Variants in ABCC4 observed in about 807,000 individuals in gnomAD.
ABCC4 encodes ATP binding cassette subfamily C member 4 (PEL blood group).
A neutral mutation model predicts 168.5 loss-of-function variants in ABCC4; 102 were observed. The ratio of observed to expected loss-of-function variants is 0.61; its 90% CI spans 0.52 to 0.71. The LOEUF is 0.71. Among genes scored for constraint, ABCC4 ranks in the 30% least tolerant of loss-of-function variants. The probability of loss-of-function intolerance (pLI) is 0.00; values close to 1 mark genes in which losing one functional copy is unlikely to be tolerated. For synonymous variants in ABCC4, 617 were observed against 590.7 expected, an observed-to-expected ratio of 1.04 and a Z score of -0.65; for missense variants, 1,402 against 1,605.8, an observed-to-expected ratio of 0.87 and a Z score of 2.17.
chr13:95,091,298 A>C (rs900678241), intron 20 of ABCC4, among the ~76,000 whole-genome samples: 2 of 152,182 alleles, frequency 1.3e-5, no homozygotes, highest in African/African-American at 4.8e-5. Flanking sequence ...CACAAAGAAC[A>C]CCTGGGAAAT....
intron 1 of ABCC4, among the ~76,000 whole-genome samples, chr13:95,270,960 T>C (rs1158509053): frequency 6.6e-6 from 1 of 152,120 alleles, no homozygotes; most frequent in African/African-American, 2.4e-5. Flanking sequence ...CCTGGCATGG[T>C]GGCAGCCGCC....
At chr13:95,265,430 GA>G (rs11435237) in intron 1 of ABCC4, among the ~76,000 whole-genome samples, 25,444 of 146,694 alleles carry the variant, frequency 0.17, 2,616 homozygotes, top group East Asian at 0.49. Flanking sequence ...GACACAATAA[GA>G]AAAAAAAAAA....
At chr13:95,164,961 C>T (rs747253552) in intron 15 of ABCC4, among the ~76,000 whole-genome samples, 11 of 152,222 alleles carry the variant, frequency 7.2e-5, no homozygotes, top group South Asian at 4.2e-4. Flanking sequence ...ACTTCCAAAG[C>T]GCTGGGATTG....
intron 1 of ABCC4, among the ~76,000 whole-genome samples, chr13:95,256,543 C>T (rs1420722835): frequency 6.6e-6 from 1 of 152,130 alleles, no homozygotes; most frequent in Non-Finnish European, 1.5e-5. Context: ...ATTGCTTGAG[C>T]CCAGTAGTTT....
intron 4 of ABCC4, among the ~76,000 whole-genome samples, chr13:95,218,896 A>AGAGAGAGAAAGAGAGAT (rs146033279): frequency 0.15 from 6,780 of 44,262 alleles, 835 homozygotes; most frequent in African/African-American, 0.36. Flanking sequence ...GACAGATGAG[A>AGAGAGAGAAAGAGAGAT]GAGAGAGAAA....
Position 95,221,201 on chromosome 13 carries a change from C to A in ABCC4, c.532-10420G>T, listed in dbSNP as rs139908913. Among the ~76,000 whole-genome samples, 7 of 152,276 alleles carry A rather than the reference C, an allele frequency of 4.6e-5. No homozygotes were observed. In the East Asian group the frequency reaches 1.3e-3, roughly 29 times the overall value. ...ACCAGAGGATGACAGGCAAGAGCCACCATGCCTTGCAAAAATTACAAATTT... is the reference window on the plus strand; with the variant it reads ...ACCAGAGGATGACAGGCAAGAGCCAACATGCCTTGCAAAAATTACAAATTT... On this transcript the variant is annotated intron_variant, in intron 4 of 30. Transcript: ENST00000645237.
rs538744217 is a variant in ABCC4 at position 95,021,597 on chromosome 13, G to A, written c.3956C>T (p.Thr1319Ile). 2 of 1,611,760 alleles carry A rather than the reference G, an allele frequency of 1.2e-6. No homozygotes were observed. The highest frequency in any genetic ancestry group is 4.5e-5 in the East Asian group (2 of 44,864). ...NTSNGQPSTL[T>I]IFETAL ...GATTCACAGTGCTGTCTCGAAAATAGTTAAGGTCGAGGGCTGTCCATTGGA... is the reference window on the plus strand; with the variant it reads ...GATTCACAGTGCTGTCTCGAAAATAATTAAGGTCGAGGGCTGTCCATTGGA... Residue 1319 changes from threonine (T) to isoleucine (I), a missense_variant, in exon 31 of 31, where the codon ACT (threonine) becomes ATT (isoleucine). Coordinates refer to ENST00000645237, the MANE Select transcript of ABCC4 (RefSeq NM_005845.5).
intron 11 of ABCC4, among the ~76,000 whole-genome samples, chr13:95,183,211 T>C (rs986741766): frequency 6.6e-6 from 1 of 152,150 alleles, no homozygotes; most frequent in African/African-American, 2.4e-5. Flanking sequence ...CCTGGCATGT[T>C]TGCATTTTAC....
At chr13:95,260,605 A>G (rs571066418) in intron 1 of ABCC4, among the ~76,000 whole-genome samples, 21 of 152,300 alleles carry the variant, frequency 1.4e-4, no homozygotes, top group African/African-American at 5.1e-4. Flanking sequence ...CAAAGGAGGA[A>G]GAAGGGACAA....
intron 1 of ABCC4, among the ~76,000 whole-genome samples, chr13:95,263,999 G>T (rs1304364148): frequency 1.3e-5 from 2 of 152,154 alleles, no homozygotes; most frequent in African/African-American, 4.8e-5. Flanking sequence ...TGCCACAAAA[G>T]TAATGAAATG....
chr13:95,104,042 T>C lies in ABCC4; in HGVS notation c.2535+11880A>G, dbSNP rs555870450. Among the ~76,000 whole-genome samples, 45 of 152,308 alleles carry C rather than the reference T, an allele frequency of 3.0e-4. No homozygotes were observed. In the South Asian group the frequency reaches 5.0e-3, roughly 17 times the overall value. ...CCTTTGCTGCTGTGATGTGAACTTG[T>C]ATTTGGCCAGCATGGAAATAAGGGA... On this transcript the variant is annotated intron_variant, in intron 20 of 30. Transcript: ENST00000645237.
intron 25 of ABCC4, among the ~76,000 whole-genome samples, chr13:95,064,260 G>GTGTATATATATA (rs1269029410): frequency 3.3e-4 from 7 of 21,496 alleles, no homozygotes; most frequent in South Asian, 3.1e-3. Context: ...GTGTGTGTGT[G>GTGTATATATATA]TATATATATA....
intron 1 of ABCC4, among the ~76,000 whole-genome samples, chr13:95,286,293 T>C (rs962148601): frequency 1.8e-4 from 27 of 151,690 alleles, no homozygotes; most frequent in Non-Finnish European, 4.0e-4. Flanking sequence ...CTAATTTTTG[T>C]ATTTTTAGTA....
intron 7 of ABCC4, 67 bp downstream of exon 7, chr13:95,207,732 TA>T: frequency 6.5e-7 from 1 of 1,529,482 alleles, no homozygotes; most frequent in Non-Finnish European, 8.9e-7. Context: ...GTAAAACTTC[TA>T]AAACCATCAA....
At position 95,087,393 on chromosome 13, in the gene ABCC4, C is replaced by T. The variant is rs561402756; in HGVS notation, c.2536-4103G>A. ...ACTTAGCTGGGCGTGGTGGTGCATG[C>T]CTGCAATCCCAGCTACTTGGGAGGC... On this transcript the variant is annotated intron_variant, in intron 20 of 30. Coordinates refer to ENST00000645237, the MANE Select transcript of ABCC4 (RefSeq NM_005845.5). Among the ~76,000 whole-genome samples the T allele has an allele frequency of 5.9e-5, 9 of 152,266 alleles. No individual in the cohort carries two copies. In the East Asian group the frequency reaches 1.5e-3, roughly 26 times the overall value.
At chr13:95,270,823 C>T (rs779026219) in intron 1 of ABCC4, among the ~76,000 whole-genome samples, 3 of 152,150 alleles carry the variant, frequency 2.0e-5, no homozygotes, top group South Asian at 2.1e-4. Flanking sequence ...GGGCCGGGCA[C>T]GGTGGCTCAC....
At chr13:95,126,999 T>C (rs971608129) in intron 19 of ABCC4, among the ~76,000 whole-genome samples, 2 of 151,752 alleles carry the variant, frequency 1.3e-5, no homozygotes, top group Admixed American at 6.6e-5. Context: ...ATGATTCTTA[T>C]AATTCTACCT....
intron 19 of ABCC4, among the ~76,000 whole-genome samples, chr13:95,120,673 T>C (rs1385287484): frequency 6.7e-6 from 1 of 149,554 alleles, no homozygotes; most frequent in Non-Finnish European, 1.5e-5. Flanking sequence ...TAGTTGATGG[T>C]AGGTGGAGTG....
intron 19 of ABCC4, among the ~76,000 whole-genome samples, chr13:95,134,846 A>G (rs1012239608): frequency 1.3e-5 from 2 of 152,078 alleles, no homozygotes; most frequent in Admixed American, 6.6e-5. Flanking sequence ...TGCCCAGAGG[A>G]TCACCAAGCA....
Sources: allele counts gnomAD v4.1 joint callset (sites outside exome capture counted in the v4.1 genomes callset), GRCh38; gene constraint gnomAD v4.1.1; transcripts MANE v1.5; gene names NCBI Gene and HGNC (gene_info 2026-07-23, HGNC 2026-07-21).